The following LRMDA variants were observed in gnomAD, a reference collection of about 807,000 sequenced individuals.
LRMDA encodes leucine rich melanocyte differentiation associated.
LRMDA carries 18 observed loss-of-function variants against 29.8 expected under a neutral mutation model. The observed-to-expected ratio is 0.60, with a 90% confidence interval of 0.42 to 0.90. The LOEUF (loss-of-function observed/expected upper bound fraction) is 0.90, where lower values mean the gene tolerates loss of function less well. Ranked by LOEUF, LRMDA falls within the 40% of genes least tolerant of loss-of-function variation. The pLI is 0.00. For synonymous variants in LRMDA, 125 were observed against 109.4 expected, an observed-to-expected ratio of 1.14 and a Z score of -0.89; for missense variants, 273 against 273.9, an observed-to-expected ratio of 1.00 and a Z score of 0.02.
chr10:75,839,700 CTTTTTTTTTTTT>C (rs1160178913), intron 2 of LRMDA, among the ~76,000 whole-genome samples: 14 of 82,796 alleles, frequency 1.7e-4, no homozygotes, highest in African/African-American at 6.4e-4. Flanking sequence ...ATCCGACTTT[CTTTTTTTTTTTT>C]TTTTTTTTTT....
chr10:75,646,846 C>CTTTCCTAGGA (rs1349234040), intron 2 of LRMDA, among the ~76,000 whole-genome samples: 26 of 152,184 alleles, frequency 1.7e-4, no homozygotes, highest in Non-Finnish European at 3.5e-4. Context: ...AAGTAATATA[C>CTTTCCTAGGA]TGTTAGGAAA....
chr10:75,613,495 A>T (rs540819173), intron 2 of LRMDA, among the ~76,000 whole-genome samples: 2 of 151,442 alleles, frequency 1.3e-5, no homozygotes, highest in East Asian at 3.9e-4. Context: ...TCTGCACATC[A>T]CTCTCGCTTT....
chr10:76,049,026 C>T (rs1848488484), intron 4 of LRMDA, among the ~76,000 whole-genome samples: 1 of 152,118 alleles, frequency 6.6e-6, no homozygotes, highest in Non-Finnish European at 1.5e-5. Flanking sequence ...GCCCACTGCC[C>T]ATTTGGAATC....
chr10:75,810,257 T>G (rs1278829937), intron 2 of LRMDA, among the ~76,000 whole-genome samples: 1 of 152,312 alleles, frequency 6.6e-6, no homozygotes, highest in South Asian at 2.1e-4. Flanking sequence ...TTAAGTGTCC[T>G]GAGCAGGGAG....
At chr10:75,664,872 G>A (rs567513815) in intron 2 of LRMDA, among the ~76,000 whole-genome samples, 1 of 152,294 alleles carries the variant, frequency 6.6e-6, no homozygotes, top group Admixed American at 6.5e-5. Flanking sequence ...TTTTTGAGGA[G>A]AGATGTGATA....
chr10:76,084,069 T>C (rs1849092938), intron 5 of LRMDA, among the ~76,000 whole-genome samples: 1 of 152,156 alleles, frequency 6.6e-6, no homozygotes, highest in African/African-American at 2.4e-5. Context: ...TGTGGACAAG[T>C]GGCTAGGGAA....
At chr10:75,769,074 CGA>C (rs1232560630) in intron 2 of LRMDA, among the ~76,000 whole-genome samples, 2 of 152,130 alleles carry the variant, frequency 1.3e-5, no homozygotes, top group South Asian at 2.1e-4. Flanking sequence ...CTGTGAGATT[CGA>C]GAGAGTGTTT....
chr10:76,370,927 TACAG>T (rs1280814680), intron 6 of LRMDA, among the ~76,000 whole-genome samples: 1 of 152,122 alleles, frequency 6.6e-6, no homozygotes, highest in East Asian at 1.9e-4. Flanking sequence ...ATGTGTCCTC[TACAG>T]ACAAAGGGGG....
intron 2 of LRMDA, among the ~76,000 whole-genome samples, chr10:75,702,593 T>A (rs771505520): frequency 7.2e-5 from 11 of 152,068 alleles, no homozygotes; most frequent in African/African-American, 2.7e-4. Flanking sequence ...AGATCATACA[T>A]CAGTTGGCCT....
intron 6 of LRMDA, among the ~76,000 whole-genome samples, chr10:76,517,870 C>T (rs1003719102): frequency 3.3e-5 from 5 of 150,012 alleles, no homozygotes; most frequent in African/African-American, 4.9e-5. Flanking sequence ...TATATTTTCA[C>T]GAATCACCGC....
intron 2 of LRMDA, among the ~76,000 whole-genome samples, chr10:75,544,146 C>G (rs1203683770): frequency 6.6e-6 from 1 of 152,098 alleles, no homozygotes; most frequent in East Asian, 1.9e-4. Context: ...TGTCTTCACA[C>G]TCATTTGATA....
At chr10:75,735,633 T>C (rs1564553261) in intron 2 of LRMDA, among the ~76,000 whole-genome samples, 1 of 152,282 alleles carries the variant, frequency 6.6e-6, no homozygotes, top group East Asian at 1.9e-4. Flanking sequence ...GGTTCTGTTT[T>C]CCATGGTCAA....
rs111454554 is a variant in LRMDA at position 75,825,545 on chromosome 10, C to T, written c.132-210463C>T. 2.7e-3 allele frequency among the ~76,000 whole-genome samples: 411 copies of T among 152,144 alleles called. 4 individuals are homozygous for T. The highest frequency in any genetic ancestry group is 9.0e-3 in the African/African-American group (375 of 41,512). The stretch of plus-strand genomic sequence containing the variant: ...GAGATGCATGGCATTTTAAAGCAAA[C>T]GAATTCCTGGGAGAGCCCGAGCTTA... On this transcript the variant is annotated intron_variant, in intron 2 of 6. Transcript: ENST00000611255.
At chr10:76,044,061 A>T (rs1338489988) in intron 3 of LRMDA, among the ~76,000 whole-genome samples, 2 of 152,224 alleles carry the variant, frequency 1.3e-5, no homozygotes, top group Non-Finnish European at 2.9e-5. Flanking sequence ...CAGTCCCACA[A>T]AAGAAATACT....
At chr10:75,897,817 CTTT>C (rs3042518) in intron 2 of LRMDA, among the ~76,000 whole-genome samples, 22 of 78,416 alleles carry the variant, frequency 2.8e-4, no homozygotes, top group Middle Eastern at 0.013. Context: ...TTCTTCCTGC[CTTT>C]TTTTTTTTTT....
chr10:76,093,864 T>C (rs999433435), intron 5 of LRMDA, among the ~76,000 whole-genome samples: 1 of 152,218 alleles, frequency 6.6e-6, no homozygotes, highest in Non-Finnish European at 1.5e-5. Context: ...CATCTGCAGC[T>C]GTGTTACCTT....
At chr10:75,614,749 T>C in intron 2 of LRMDA, among the ~76,000 whole-genome samples, 1 of 152,076 alleles carries the variant, frequency 6.6e-6, no homozygotes, top group East Asian at 1.9e-4. Flanking sequence ...CTGTTTAATA[T>C]ACAAGGAGGT....
intron 5 of LRMDA, among the ~76,000 whole-genome samples, chr10:76,187,749 C>T (rs1235929016): frequency 1.3e-5 from 2 of 152,188 alleles, no homozygotes; most frequent in Non-Finnish European, 1.5e-5. Flanking sequence ...GATCTTACTT[C>T]TGTGTCCTCT....
rs919795889 is a variant in LRMDA, at chr10:76,523,249, C to T, written c.602-33960C>T. On this transcript the variant is annotated intron_variant, in intron 6 of 6. Coordinates refer to ENST00000611255, the MANE Select transcript of LRMDA (RefSeq NM_001305581.2). ...GTCCTCCAGCCCCGACCTGAGCTCACGCAGACTCTTCCTTCTTTCCCTCCC... is the reference window on the plus strand; with the variant it reads ...GTCCTCCAGCCCCGACCTGAGCTCATGCAGACTCTTCCTTCTTTCCCTCCC... Among the ~76,000 whole-genome samples, 7 of 152,112 alleles carry T rather than the reference C, an allele frequency of 4.6e-5. No homozygotes were observed. The East Asian group carries it at 7.7e-4, about 17-fold the overall frequency.
Sources: gnomAD v4.1 joint callset for allele counts (sites outside exome capture counted in the v4.1 genomes callset) on GRCh38, gnomAD v4.1.1 for gene constraint, MANE v1.5 for transcripts, NCBI Gene and HGNC (gene_info 2026-07-23, HGNC 2026-07-21) for gene names.